Variants in SCML4 observed in about 807,000 individuals in gnomAD.
SCML4 encodes Scm polycomb group protein like 4.
Under a neutral mutation model 41.1 loss-of-function variants are expected in SCML4, and 34 were observed. The observed-to-expected ratio is 0.83, with a 90% CI of 0.63 to 1.10. The LOEUF is 1.10. SCML4 is among the 50% of genes least tolerant of loss of function. The pLI, the probability that SCML4 is intolerant of heterozygous loss-of-function variation, is 0.00. For synonymous variants in SCML4, 214 were observed against 220.9 expected (o/e 0.97, Z 0.28); for missense variants, 522 against 534.1 (o/e 0.98, Z 0.22).
At chr6:107,731,659 C>T (rs1776563590) in intron 5 of SCML4, among the ~76,000 whole-genome samples, 1 of 152,236 alleles carries the variant, frequency 6.6e-6, no homozygotes, top group African/African-American at 2.4e-5. Flanking sequence ...CACACCCTGC[C>T]CAGGCAATGG....
the SCML4 span, among the ~76,000 whole-genome samples, chr6:107,838,603 A>C: frequency 5.3e-5 from 8 of 152,348 alleles, 1 homozygote; most frequent in South Asian, 1.4e-3. Context: ...CCAGAATGAC[A>C]TTGATATTCC....
intron 6 of SCML4, among the ~76,000 whole-genome samples, chr6:107,717,172 A>AAAAAAAAAAAAAAAT (rs1321916871): frequency 5.3e-5 from 6 of 112,764 alleles, no homozygotes; most frequent in African/African-American, 2.1e-4. Context: ...AAAAAAAAAA[A>AAAAAAAAAAAAAAAT]AGCCAGGTGT....
intron 1 of SCML4, among the ~76,000 whole-genome samples, chr6:107,806,541 T>C (rs1783744000): frequency 6.6e-6 from 1 of 152,248 alleles, no homozygotes; most frequent in Non-Finnish European, 1.5e-5. Context: ...ATTCTGCTCC[T>C]TAATGCTGGC....
chr6:107,761,494 T>C lies in SCML4; in HGVS notation c.156+10678A>G, dbSNP rs560575268. On this transcript the variant is annotated intron_variant, in intron 2 of 7. Transcript: ENST00000369020. ...CTCTGTCACCCGTGCTGGAGTGCAA[T>C]GGCGCAATCTCGGCTTACTGCAACC... Among the ~76,000 whole-genome samples the C allele has an allele frequency of 1.7e-3, 258 of 151,494 alleles. 1 individual carries two copies. Among genetic ancestry groups the C allele is most frequent in the African/African-American group, 6.1e-3 (253 of 41,310 alleles).
chr6:107,812,987 C>A (rs1009822967), intron 1 of SCML4, among the ~76,000 whole-genome samples: 29 of 151,806 alleles, frequency 1.9e-4, no homozygotes, highest in African/African-American at 5.8e-4. Context: ...TTTACTAAAT[C>A]TTTAAATGGT....
chr6:107,788,691 T>G (rs980658909), intron 1 of SCML4, among the ~76,000 whole-genome samples: 1 of 148,412 alleles, frequency 6.7e-6, no homozygotes. Flanking sequence ...GTTTTAGAGC[T>G]CTCTAGAAAG....
rs1410391190 is a variant in SCML4, at chr6:107,703,315, A to ACC, written c.*1883_*1884dup. Among the ~76,000 whole-genome samples the ACC allele has an allele frequency of 6.6e-6, 1 of 152,026 alleles. No homozygotes were observed. The highest frequency in any genetic ancestry group is 6.5e-5 in the Admixed American group (1 of 15,272). ...GCCCTCTCTTGGGGTCTGGATCGGG[A>ACC]CCCCCTTCCTGTAACAAAATCACCA... is the stretch of plus-strand genomic sequence containing the variant. On this transcript the variant is annotated 3_prime_UTR_variant, in exon 8 of 8. Transcript: ENST00000369020.
Position 107,749,930 on chromosome 6 carries a change from C to T in SCML4, c.157-117G>A, listed in dbSNP as rs180709464. 2,273 of 1,051,446 alleles carry T rather than the reference C, an allele frequency of 2.2e-3. 17 individuals are homozygous for T. The highest frequency in any genetic ancestry group is 1.7e-3 in the Non-Finnish European group (1,200 of 704,544). The allele number at this position is 1,051,446 out of a possible 1,614,324, so 65.1% of individuals were successfully genotyped here. ...CTTCTATCATGCTTCCACACCTTTC[C>T]ATCCTGCAGTTTCGGGGCCTGAGCT... On this transcript the variant is annotated intron_variant, in intron 2 of 7. Coordinates refer to ENST00000369020, the MANE Select transcript of SCML4 (RefSeq NM_198081.5).
chr6:107,769,470 A>G lies in SCML4; in HGVS notation c.156+2702T>C, dbSNP rs867112573. ...CCAGAGAGAGTTCCCACATATGCAC[A>G]GAGGTGATTGACAGAGCAGCTGGGG... On this transcript the variant is annotated intron_variant, in intron 2 of 7. Coordinates refer to ENST00000369020, the MANE Select transcript of SCML4 (RefSeq NM_198081.5). Among the ~76,000 whole-genome samples, 10 of 152,370 alleles carry G rather than the reference A, an allele frequency of 6.6e-5. No homozygotes were observed. In the South Asian group the frequency reaches 1.2e-3, roughly 19 times the overall value.
chr6:107,727,354 A>G (rs13218517), intron 5 of SCML4, among the ~76,000 whole-genome samples: 81,703 of 152,144 alleles, frequency 0.54, 24,121 homozygotes, highest in Non-Finnish European at 0.66. Flanking sequence ...GCATATCTAT[A>G]TACTAAAAGT....
chr6:107,726,508 G>A (rs539273203), intron 5 of SCML4, among the ~76,000 whole-genome samples: 19 of 125,746 alleles, frequency 1.5e-4, no homozygotes, highest in South Asian at 2.6e-4. Context: ...ACTCCAGCCC[G>A]GGCAACAGAC....
intron 1 of SCML4, among the ~76,000 whole-genome samples, chr6:107,813,459 T>G (rs926215699): frequency 7.1e-6 from 1 of 141,386 alleles, no homozygotes; most frequent in African/African-American, 2.6e-5. Flanking sequence ...AAAATAACAG[T>G]GTCCGCTGAA....
intron 1 of SCML4, among the ~76,000 whole-genome samples, chr6:107,784,040 G>A (rs1781697778): frequency 6.6e-6 from 1 of 152,118 alleles, no homozygotes; most frequent in Non-Finnish European, 1.5e-5. Context: ...CTCTTGTTTT[G>A]GCTCATCACT....
chr6:107,813,370 T>TTATATATATATATATATATATA (rs543060112), intron 1 of SCML4, among the ~76,000 whole-genome samples: 1 of 42,472 alleles, frequency 2.4e-5, no homozygotes, highest in Non-Finnish European at 3.9e-5. Context: ...CTCAAAAAAA[T>TTATATATATATATATATATATA]TATATATATA....
At chr6:107,750,220 A>G (rs978820421) in intron 2 of SCML4, among the ~76,000 whole-genome samples, 3 of 152,138 alleles carry the variant, frequency 2.0e-5, no homozygotes, top group Non-Finnish European at 4.4e-5. Flanking sequence ...CCAACCCTTC[A>G]CTGTCTCCCA....
chr6:107,812,576 C>G (rs1217104727), intron 1 of SCML4, among the ~76,000 whole-genome samples: 2 of 152,200 alleles, frequency 1.3e-5, no homozygotes, highest in Admixed American at 6.5e-5. Flanking sequence ...GATGGCAACC[C>G]ACACGTGGGG....
At chr6:107,780,167 G>C (rs62426339) in intron 1 of SCML4, among the ~76,000 whole-genome samples, 3,800 of 152,190 alleles carry the variant, frequency 0.025, 83 homozygotes, top group Non-Finnish European at 0.038. Context: ...AGGTGCCTTT[G>C]TATTTTAAAT....
intron 1 of SCML4, among the ~76,000 whole-genome samples, chr6:107,793,900 C>T (rs1363079010): frequency 1.3e-5 from 2 of 152,166 alleles, no homozygotes; most frequent in African/African-American, 2.4e-5. Context: ...GATCACACCA[C>T]TGCACTCCAG....
At chr6:107,732,411 A>G (rs1427922432) in intron 5 of SCML4, 3 of 152,226 alleles carry the variant, frequency 2.0e-5, no homozygotes, top group Admixed American at 2.0e-4. Flanking sequence ...AGCCCTGAGA[A>G]TCAACCTTAT....
Sources: gnomAD v4.1 joint callset for allele counts (sites outside exome capture counted in the v4.1 genomes callset) on GRCh38, gnomAD v4.1.1 for gene constraint, MANE v1.5 for transcripts, NCBI Gene and HGNC (gene_info 2026-07-23, HGNC 2026-07-21) for gene names.